PCDH18: variants seen among roughly 807,000 people sequenced by gnomAD.
PCDH18 encodes the protein protocadherin 18, also known as protocadherin-18.
Under a neutral mutation model 71.5 loss-of-function variants are expected in PCDH18, and 38 were observed. The observed-to-expected ratio is 0.53, with a 90% CI of 0.41 to 0.70. PCDH18 has a LOEUF of 0.70. Among genes scored for constraint, PCDH18 ranks in the 30% least tolerant of loss-of-function variants. The probability of loss-of-function intolerance (pLI) is 0.00; values close to 1 mark genes in which losing one functional copy is unlikely to be tolerated. For synonymous variants in PCDH18, 565 were observed against 505.4 expected (o/e 1.12, Z -1.58); for missense variants, 1,334 against 1,384.6 (o/e 0.96, Z 0.58).
Position 137,531,105 on chromosome 4 carries a change from A to C in PCDH18, c.984T>G (p.Asp328Glu). The C allele has an allele frequency of 6.2e-7, 1 of 1,613,846 alleles. No homozygotes were observed. The highest frequency in any genetic ancestry group is 8.5e-7 in the Non-Finnish European group (1 of 1,179,792). ...KSYEIDVQAQDLGPNSIPAHC... is the reference protein window; with the variant it reads ...KSYEIDVQAQELGPNSIPAHC... ...GGGCTGGGATTGAATTTGGACCCAA[A>C]TCTTGAGCCTGAACATCAATCTCAT... Residue 328 changes from aspartate to glutamate, a missense_variant, in exon 1 of 4, where the codon GAT becomes GAG. Around this residue, in one of 3 missense-constraint regions of PCDH18, gnomAD observed 1,011 missense variants for 1,048.0 expected, o/e 0.96. Coordinates refer to ENST00000344876, the MANE Select transcript of PCDH18 (RefSeq NM_019035.5).
chr4:137,530,961 A>T lies in PCDH18; in HGVS notation c.1128T>A (p.Asp376Glu). The part of the protein sequence containing the change: ...ISYIFEGDPI[D>E]TFVALVRVQD... ...GAACTCTGACCAAAGCAACAAATGT[A>T]TCAATAGGATCCCCTTCAAAAATAT... is the stretch of plus-strand genomic sequence containing the variant. Residue 376 changes from aspartate to glutamate, a missense_variant, in exon 1 of 4, where the codon GAT becomes GAA. Asp to Glu is a conservative substitution (Grantham distance 45, BLOSUM62 2). Transcript: ENST00000344876. The T allele has an allele frequency of 6.2e-7, 1 of 1,613,794 alleles. No individual in the cohort carries two copies. Among genetic ancestry groups the T allele is most frequent in the Non-Finnish European group, 8.5e-7 (1 of 1,179,854 alleles).
chr4:137,521,394 G>C lies in PCDH18; in HGVS notation c.3043C>G (p.Leu1015Val), dbSNP rs1388106859. 1 of 1,614,210 alleles carries C rather than the reference G, an allele frequency of 6.2e-7. No homozygotes were observed. The highest frequency in any genetic ancestry group is 1.3e-5 in the African/African-American group (1 of 75,052). Residue 1015 changes from leucine to valine, a missense_variant, in exon 4 of 4, where the codon CTC becomes GTC. Leu to Val is a conservative substitution (Grantham distance 32). Around this residue, in one of 3 missense-constraint regions of PCDH18, gnomAD observed 319 missense variants for 316.3 expected, o/e 1.01. Coordinates refer to ENST00000344876, the MANE Select transcript of PCDH18 (RefSeq NM_019035.5). ...TAGGTGTCCAGGGAAGGCGGTAAGA[G>C]ACGCTGGAACACACTGCTCATTTCC... is the stretch of plus-strand genomic sequence containing the variant. ...LSEMSSVFQR[L>V]LPPSLDTYSE...
At chr4:137,524,406 A>T (rs1183888662) in intron 3 of PCDH18, among the ~76,000 whole-genome samples, 1 of 152,180 alleles carries the variant, frequency 6.6e-6, no homozygotes, top group African/African-American at 2.4e-5. Context: ...TTGTAAAAAG[A>T]TATAGCTCTA....
chr4:137,530,472 A>C lies in PCDH18; in HGVS notation c.1617T>G (p.Ser539Arg), dbSNP rs780878353. Residue 539 changes from serine (S) to arginine (R), a missense_variant, in exon 1 of 4, where the codon AGT becomes AGG. Physicochemically the swap from Ser to Arg is moderately radical, Grantham distance 110. This residue lies in a region of PCDH18 where 1,011 missense variants were observed against 1,048.0 expected (regional missense o/e 0.96). Transcript: ENST00000344876. ...TTGCTTCTACCACAAAAGTGATCTG[A>C]CTCACTTCTTCATGATCAAAGATTC... ...ALRIFDHEEV[S>R]QITFVVEARD... is the part of the protein sequence containing the mutation. The C allele has an allele frequency of 6.2e-7, 1 of 1,613,958 alleles. No homozygotes were observed. The highest frequency in any genetic ancestry group is 8.5e-7 in the Non-Finnish European group (1 of 1,179,936).
In PCDH18 at chr4:137,520,443, T is replaced by A. The variant is rs1213107981; in HGVS notation, c.*586A>T. 6.6e-6 allele frequency: 1 copy of A among 152,278 alleles called. No individual in the cohort carries two copies. The highest frequency in any genetic ancestry group is 2.4e-5 in the African/African-American group (1 of 41,466). The allele number at this position is 152,278 out of a possible 1,614,324, so 9.4% of individuals were successfully genotyped here. ...GTCATCTAATAAATAACCTTCAAGA[T>A]ATTTCTCAGTCCTGAAATAAACTTT... On this transcript the variant is annotated 3_prime_UTR_variant, in exon 4 of 4. Coordinates refer to ENST00000344876, the MANE Select transcript of PCDH18 (RefSeq NM_019035.5).
chr4:137,523,567 A>G (rs1731364682), intron 3 of PCDH18, among the ~76,000 whole-genome samples: 1 of 152,010 alleles, frequency 6.6e-6, no homozygotes, highest in Admixed American at 6.6e-5. Flanking sequence ...ACACCTCTTC[A>G]TTTATTTCAT....
chr4:137,522,783 G>T (rs1010237494), intron 3 of PCDH18, among the ~76,000 whole-genome samples: 3 of 152,110 alleles, frequency 2.0e-5, no homozygotes, highest in Admixed American at 1.3e-4. Context: ...ACTCTTGAAG[G>T]ATGCCCATTC....
In PCDH18 at chr4:137,529,843, C is replaced by T; in HGVS notation, c.2246G>A (p.Arg749Lys). The change falls in exon 1 of 4, where the codon AGG (arginine) becomes AAG (lysine). Residue 749 changes from arginine (R) to lysine (K), a missense_variant. Arg to Lys is a conservative substitution (Grantham distance 26). Transcript: ENST00000344876. ...CCCTTTGTGAATCTGCCGGGATGGC[C>T]TTTTTGGGTGGTGCTGGTAAGTTGA... is the stretch of plus-strand genomic sequence containing the variant. ...AESTYQHHPK[R>K]PSRQIHKGDI... 1 of 1,611,712 alleles carries T rather than the reference C, an allele frequency of 6.2e-7. No individual in the cohort carries two copies.
chr4:137,530,373 G>T lies in PCDH18; in HGVS notation c.1716C>A (p.Asn572Lys). 6.2e-7 allele frequency: 1 copy of T among 1,614,048 alleles called. No homozygotes were observed. Among genetic ancestry groups the T allele is most frequent in the Non-Finnish European group, 8.5e-7 (1 of 1,179,978 alleles). ...VVLTIIDENDNVPVVIGPALR... is the reference protein window; with the variant it reads ...VVLTIIDENDKVPVVIGPALR... Reference sequence around the variant, plus strand: ...ATGCAGGCCCTATAACCACAGGAACGTTGTCATTTTCGTCAATGATGGTGA... The same window carrying T: ...ATGCAGGCCCTATAACCACAGGAACTTTGTCATTTTCGTCAATGATGGTGA... Residue 572 changes from asparagine (N) to lysine (K), a missense_variant, in exon 1 of 4, where the codon AAC (asparagine) becomes AAA (lysine). Coordinates refer to ENST00000344876, the MANE Select transcript of PCDH18 (RefSeq NM_019035.5).
intron 1 of PCDH18, chr4:137,529,206 CATAGCATGCATTGAA>C (rs561786142): frequency 8.1e-4 from 209 of 258,184 alleles, no homozygotes; most frequent in Middle Eastern, 2.6e-3. Context: ...CTTGGACAAA[CATAGCATGCATTGAA>C]ATAGAAGTCT....
Position 137,530,317 on chromosome 4 carries a change from G to A in PCDH18, c.1772C>T (p.Pro591Leu). ...ATGAAAGCCACTTTCAGCCCCTTTGGGAATGGTGATTTCTGCCGTATTATT... is the reference window on the plus strand; with the variant it reads ...ATGAAAGCCACTTTCAGCCCCTTTGAGAATGGTGATTTCTGCCGTATTATT... ...LRNNTAEITI[P>L]KGAESGFHVT... Residue 591 changes from proline to leucine, a missense_variant, in exon 1 of 4, where the codon CCC (proline) becomes CTC (leucine). Physicochemically the swap from Pro to Leu is moderately conservative, Grantham distance 98. This residue lies in a region of PCDH18 where 1,011 missense variants were observed against 1,048.0 expected (regional missense o/e 0.96). Transcript: ENST00000344876. 1 of 1,613,346 alleles carries A rather than the reference G, an allele frequency of 6.2e-7. No homozygotes were observed. Among genetic ancestry groups the A allele is most frequent in the Non-Finnish European group, 8.5e-7 (1 of 1,179,520 alleles).
chr4:137,523,370 C>A (rs1731358572), intron 3 of PCDH18, among the ~76,000 whole-genome samples: 1 of 149,890 alleles, frequency 6.7e-6, no homozygotes. Flanking sequence ...GTGGATGAAA[C>A]AAAAGGGGTT....
intron 3 of PCDH18, among the ~76,000 whole-genome samples, chr4:137,522,436 GA>G (rs200899371): frequency 1.7e-4 from 26 of 151,298 alleles, no homozygotes; most frequent in Admixed American, 1.6e-3. Flanking sequence ...ACAGTCATAG[GA>G]AAAAAAATAG....
Position 137,521,235 on chromosome 4 carries a change from T to C in PCDH18, c.3202A>G (p.Asn1068Asp). 1.9e-6 allele frequency: 3 copies of C among 1,613,712 alleles called. No homozygotes were observed. Among genetic ancestry groups the C allele is most frequent in the African/African-American group, 1.3e-5 (1 of 75,030 alleles). Residue 1068 changes from asparagine to aspartate, a missense_variant, in exon 4 of 4, where the codon AAC becomes GAC. Asn to Asp is a conservative substitution (Grantham distance 23, BLOSUM62 1). Transcript: ENST00000344876. ...TGAGTTCCAAGTGGCGGCCCACAGT[T>C]GGTGGTGGGATTTTGAAAATGCGTA... is the stretch of plus-strand genomic sequence containing the variant. ...ASTHFQNPTT[N>D]CGPPLGTHSS... is the part of the protein sequence containing the mutation.
Position 137,530,922 on chromosome 4 carries a change from A to C in PCDH18, c.1167T>G (p.Ser389=). The part of the protein sequence containing the change: ...VALVRVQDKD[S]GLNGEIVCKL... ...TACAAACTATTTCTCCATTCAGCCCAGAATCCTTGTCCTGAACTCTGACCA... is the reference window on the plus strand; with the variant it reads ...TACAAACTATTTCTCCATTCAGCCCCGAATCCTTGTCCTGAACTCTGACCA... The change falls in exon 1 of 4, where the codon TCT becomes TCG. Residue 389 remains serine, a synonymous_variant. Coordinates refer to ENST00000344876, the MANE Select transcript of PCDH18 (RefSeq NM_019035.5). 1 of 1,613,664 alleles carries C rather than the reference A, an allele frequency of 6.2e-7. No homozygotes were observed. Among genetic ancestry groups the C allele is most frequent in the Non-Finnish European group, 8.5e-7 (1 of 1,179,712 alleles).
At chr4:137,529,259 G>A in intron 1 of PCDH18, 2 of 261,328 alleles carry the variant, frequency 7.7e-6, no homozygotes, top group Admixed American at 9.5e-5. Context: ...TATTTGTTCA[G>A]TAAAGACTAT....
chr4:137,531,555 G>C lies in PCDH18; in HGVS notation c.534C>G (p.Ala178=). The change falls in exon 1 of 4, where the codon GCC becomes GCG. Residue 178 remains alanine (A), a synonymous_variant. Transcript: ENST00000344876. The part of the protein sequence containing the change: ...ENSLHTYSLS[A]NDFFNIEVRT... ...GAACCTCGATATTAAAAAAATCATT[G>C]GCAGAGAGCGAGTATGTGTGGAGGG... 6.2e-7 allele frequency: 1 copy of C among 1,613,228 alleles called. No homozygotes were observed.
Position 137,531,758 on chromosome 4 carries a change from T to C in PCDH18, c.331A>G (p.Ile111Val). 6.2e-7 allele frequency: 1 copy of C among 1,613,982 alleles called. No homozygotes were observed. Among genetic ancestry groups the C allele is most frequent in the African/African-American group, 1.3e-5 (1 of 75,036 alleles). Residue 111 changes from isoleucine to valine, a missense_variant, in exon 1 of 4, where the codon ATC (isoleucine) becomes GTC (valine). Coordinates refer to ENST00000344876, the MANE Select transcript of PCDH18 (RefSeq NM_019035.5). ...NLNCSIEFDV[I>V]TLPTEHLQLF... is the part of the protein sequence containing the mutation. ...TGCAGATGCTCTGTGGGTAGAGTGA[T>C]CACATCAAACTCTATGGAACAGTTC...
At position 137,531,884 on chromosome 4, in the gene PCDH18, T is replaced by C. The variant is rs1487599888; in HGVS notation, c.205A>G (p.Met69Val). Residue 69 changes from methionine (M) to valine (V), a missense_variant, in exon 1 of 4, where the codon ATG becomes GTG. Met to Val is a conservative substitution (Grantham distance 21). This residue lies in a region of PCDH18 where 1,011 missense variants were observed against 1,048.0 expected (regional missense o/e 0.96). Transcript: ENST00000344876. Reference sequence around the variant, plus strand: ...AGTAGAGGAGAATTTCCCCTCTGCATGGCTCGAAATCGAACAGTAGAAGGA... The same window carrying C: ...AGTAGAGGAGAATTTCCCCTCTGCACGGCTCGAAATCGAACAGTAGAAGGA... The part of the protein sequence containing the change: ...PNPSTVRFRA[M>V]QRGNSPLLVV... 1.2e-6 allele frequency: 2 copies of C among 1,613,932 alleles called. No homozygotes were observed. Among genetic ancestry groups the C allele is most frequent in the South Asian group, 1.1e-5 (1 of 91,072 alleles).
Sources: gnomAD v4.1 joint callset for allele counts (sites outside exome capture counted in the v4.1 genomes callset) on GRCh38, gnomAD v4.1.1 for gene constraint, gnomAD v4.1.1 regional missense constraint, MANE v1.5 for transcripts, NCBI Gene and HGNC (gene_info 2026-07-23, HGNC 2026-07-21) for gene names.